The following GALNT18 variants were observed in gnomAD, a reference collection of about 807,000 sequenced individuals.
GALNT18 encodes polypeptide N-acetylgalactosaminyltransferase 18, also known as GalNAc-transferase 18.
In GALNT18, 44 loss-of-function variants were observed where a neutral mutation model predicts 69.5. That is an observed-to-expected ratio of 0.63 (90% CI 0.50 to 0.81). The LOEUF (loss-of-function observed/expected upper bound fraction) is 0.81, where lower values mean the gene tolerates loss of function less well. Ranked by LOEUF, GALNT18 falls within the 40% of genes least tolerant of loss-of-function variation. The pLI is 0.00. For missense variants in GALNT18, 715 were observed against 810.0 expected, an observed-to-expected ratio of 0.88 and a Z score of 1.42; for synonymous variants, 364 against 318.2, an observed-to-expected ratio of 1.14 and a Z score of -1.53.
intron 3 of GALNT18, among the ~76,000 whole-genome samples, chr11:11,424,965 G>A (rs989381607): frequency 6.6e-6 from 1 of 152,166 alleles, no homozygotes; most frequent in Non-Finnish European, 1.5e-5. Context: ...CGATGAGACT[G>A]CCTGTGCGGG....
intron 1 of GALNT18, among the ~76,000 whole-genome samples, chr11:11,491,736 G>A (rs940746157): frequency 6.6e-6 from 1 of 152,222 alleles, no homozygotes; most frequent in Non-Finnish European, 1.5e-5. Context: ...AAGGCCAGCA[G>A]CGAAGTGCTG....
intron 1 of GALNT18, among the ~76,000 whole-genome samples, chr11:11,495,355 G>C (rs946432733): frequency 3.3e-5 from 5 of 152,170 alleles, no homozygotes; most frequent in African/African-American, 1.2e-4. Context: ...ATCTCCAAGA[G>C]GGGGTTGGGT....
Position 11,621,646 on chromosome 11 carries a change from C to T in GALNT18, c.-53G>A. On this transcript the variant is annotated 5_prime_UTR_variant, in exon 1 of 11. Coordinates refer to ENST00000227756, the MANE Select transcript of GALNT18 (RefSeq NM_198516.3). This position sits in a 1 kb window ranked among gnomAD's most constrained non-coding sequence, Gnocchi z 9.3. ...CCCGGGGGCCCTTCCTTGTCGTGCGCCCCGAACTCCCCCGCGCTCGCACCC... is the reference window on the plus strand; with the variant it reads ...CCCGGGGGCCCTTCCTTGTCGTGCGTCCCGAACTCCCCCGCGCTCGCACCC... The T allele has an allele frequency of 7.5e-7, 1 of 1,332,224 alleles. No individual in the cohort carries two copies. The highest frequency in any genetic ancestry group is 1.0e-6 in the Non-Finnish European group (1 of 956,370). 82.5% of individuals were successfully genotyped at this position (1,332,224 alleles called of 1,614,324 possible).
intron 6 of GALNT18, among the ~76,000 whole-genome samples, chr11:11,348,501 A>G (rs1850343153): frequency 6.6e-6 from 1 of 152,144 alleles, no homozygotes; most frequent in Non-Finnish European, 1.5e-5. Context: ...GATGAAGACA[A>G]TGTCAGTGTG....
chr11:11,399,263 A>C (rs1271869394), intron 3 of GALNT18, among the ~76,000 whole-genome samples: 1 of 152,110 alleles, frequency 6.6e-6, no homozygotes, highest in African/African-American at 2.4e-5. Flanking sequence ...TGGCACCCTG[A>C]TCACAGAACC....
intron 1 of GALNT18, among the ~76,000 whole-genome samples, chr11:11,466,280 C>T (rs934582985): frequency 2.6e-5 from 4 of 152,156 alleles, no homozygotes; most frequent in African/African-American, 9.7e-5. Flanking sequence ...TAAACCAGTG[C>T]CACCTTTACG....
chr11:11,391,709 G>A (rs1282888952), intron 3 of GALNT18, among the ~76,000 whole-genome samples: 4 of 152,188 alleles, frequency 2.6e-5, no homozygotes, highest in African/African-American at 7.2e-5. Context: ...TTTATATATC[G>A]ATTCCAGCAG....
In GALNT18 at chr11:11,454,727, TCTTC is replaced by T. The variant is rs1216403578; in HGVS notation, c.236-5795_236-5792del. Among the ~76,000 whole-genome samples the T allele has an allele frequency of 2.0e-5, 3 of 151,520 alleles. No individual in the cohort carries two copies. Among genetic ancestry groups the T allele is most frequent in the Admixed American group, 6.6e-5 (1 of 15,234 alleles). The stretch of plus-strand genomic sequence containing the variant: ...AGCCAGAGAGTCAGGCCAGGAGTGC[TCTTC>T]CTTCCTTGAAACCCAGCCTGCGGTG... On this transcript the variant is annotated intron_variant, in intron 1 of 10. Transcript: ENST00000227756. The surrounding 1 kb of genome is among the most constrained non-coding windows in gnomAD (Gnocchi z 4.2).
At chr11:11,549,493 G>A (rs778160401) in intron 1 of GALNT18, among the ~76,000 whole-genome samples, 2 of 152,198 alleles carry the variant, frequency 1.3e-5, no homozygotes, top group Non-Finnish European at 2.9e-5. Context: ...TCTTTAAGGG[G>A]CTTCTTCCAT....
Position 11,541,483 on chromosome 11 carries a change from C to T in GALNT18, c.235+79876G>A, listed in dbSNP as rs954522338. On this transcript the variant is annotated intron_variant, in intron 1 of 10. Coordinates refer to ENST00000227756, the MANE Select transcript of GALNT18 (RefSeq NM_198516.3). The surrounding 1 kb of genome is among the most constrained non-coding windows in gnomAD (Gnocchi z 4.8). ...CTGTAGTTGGGGTGATCTTTCTAGA[C>T]CACAAACCTCGTCATGCCACTTTCT... 6.6e-6 allele frequency among the ~76,000 whole-genome samples: 1 copy of T among 152,198 alleles called. No individual in the cohort carries two copies. The highest frequency in any genetic ancestry group is 6.5e-5 in the Admixed American group (1 of 15,290).
Position 11,603,406 on chromosome 11 carries a change from G to C in GALNT18, c.235+17953C>G, listed in dbSNP as rs547287968. ...AAAGGGAGTGTGGCCTGCCAAAGGT[G>C]GGGGAATGTATAGGGCTTTCTCTGA... On this transcript the variant is annotated intron_variant, in intron 1 of 10. Transcript: ENST00000227756. The surrounding 1 kb of genome is among the most constrained non-coding windows in gnomAD (Gnocchi z 4.5). Among the ~76,000 whole-genome samples the C allele has an allele frequency of 6.6e-6, 1 of 152,272 alleles. No individual in the cohort carries two copies. The highest frequency in any genetic ancestry group is 2.1e-4 in the South Asian group (1 of 4,818).
chr11:11,457,602 C>T (rs1855951282), intron 1 of GALNT18, among the ~76,000 whole-genome samples: 1 of 152,228 alleles, frequency 6.6e-6, no homozygotes, highest in African/African-American at 2.4e-5. Flanking sequence ...GACAGAGCCA[C>T]CCAGAACGCA....
At position 11,500,667 on chromosome 11, in the gene GALNT18, C is replaced by T. The variant is rs1283391490; in HGVS notation, c.236-51731G>A. Reference sequence around the variant, plus strand: ...AGTGCCGAGCTAGAGAAGCCCTTCCCATGCACAGCACAGAGTCAGCCTCAG... The same window carrying T: ...AGTGCCGAGCTAGAGAAGCCCTTCCTATGCACAGCACAGAGTCAGCCTCAG... On this transcript the variant is annotated intron_variant, in intron 1 of 10. Coordinates refer to ENST00000227756, the MANE Select transcript of GALNT18 (RefSeq NM_198516.3). The surrounding 1 kb of genome is among the most constrained non-coding windows in gnomAD (Gnocchi z 5.0). 6.6e-6 allele frequency among the ~76,000 whole-genome samples: 1 copy of T among 152,188 alleles called. No individual in the cohort carries two copies. The highest frequency in any genetic ancestry group is 1.5e-5 in the Non-Finnish European group (1 of 68,040).
intron 1 of GALNT18, among the ~76,000 whole-genome samples, chr11:11,484,590 T>A: frequency 1.4e-5 from 1 of 70,252 alleles, no homozygotes; most frequent in African/African-American, 5.1e-5. Flanking sequence ...CAAAACTCCA[T>A]CTCAAAAAAA....
In GALNT18 at chr11:11,469,166, A is replaced by T. The variant is rs936499711; in HGVS notation, c.236-20230T>A. 2.6e-5 allele frequency among the ~76,000 whole-genome samples: 4 copies of T among 152,186 alleles called. No individual in the cohort carries two copies. Among genetic ancestry groups the T allele is most frequent in the Non-Finnish European group, 4.4e-5 (3 of 68,034 alleles). ...TTGGATCCCGGTAGCCAAGAAAAGC[A>T]GTCTGAGTTGCTATAAACATAAAGA... On this transcript the variant is annotated intron_variant, in intron 1 of 10. Transcript: ENST00000227756. The surrounding 1 kb of genome is among the most constrained non-coding windows in gnomAD (Gnocchi z 4.2).
At chr11:11,484,075 G>A (rs1221472093) in intron 1 of GALNT18, among the ~76,000 whole-genome samples, 1 of 152,142 alleles carries the variant, frequency 6.6e-6, no homozygotes, top group Admixed American at 6.5e-5. Context: ...CTTGTCAAGA[G>A]CTCAGTGAGA....
Position 11,312,327 on chromosome 11 carries a change from C to T in GALNT18, c.1512+14759G>A, listed in dbSNP as rs1273918700. On this transcript the variant is annotated intron_variant, in intron 9 of 10. Transcript: ENST00000227756. The stretch of plus-strand genomic sequence containing the variant: ...CCAGAAGCCTTATGGATAACATAAA[C>T]AGTTAACACATATTTTGTGTTTTAT... 2.6e-5 allele frequency among the ~76,000 whole-genome samples: 4 copies of T among 152,318 alleles called. No individual in the cohort carries two copies. The East Asian group carries it at 7.7e-4, about 29-fold the overall frequency.
chr11:11,271,074 T>G lies in GALNT18; in HGVS notation c.*70A>C. 1.3e-6 allele frequency: 2 copies of G among 1,482,534 alleles called. No homozygotes were observed. The highest frequency in any genetic ancestry group is 1.8e-6 in the Non-Finnish European group (2 of 1,085,804). 91.8% of individuals were successfully genotyped at this position (1,482,534 alleles called of 1,614,324 possible). A position where few individuals can be genotyped will look rare whatever the true frequency, so the allele number is the denominator to read the frequency against. ...TCCCCAGACTCCAAACAACCCCACG[T>G]GGACAGCAGGCAACGTTGCAGCAGG... On this transcript the variant is annotated 3_prime_UTR_variant, in exon 11 of 11. Transcript: ENST00000227756.
At position 11,478,534 on chromosome 11, in the gene GALNT18, G is replaced by T. The variant is rs547978733; in HGVS notation, c.236-29598C>A. Among the ~76,000 whole-genome samples, 4 of 152,144 alleles carry T rather than the reference G, an allele frequency of 2.6e-5. No individual in the cohort carries two copies. The South Asian group carries it at 8.3e-4, about 32-fold the overall frequency. On this transcript the variant is annotated intron_variant, in intron 1 of 10. Coordinates refer to ENST00000227756, the MANE Select transcript of GALNT18 (RefSeq NM_198516.3). ...GCACCGAGGCAGGCCTGAGCAAACA[G>T]CCCAGATGCAGCAGAAGGATGGAGC... is the stretch of plus-strand genomic sequence containing the variant.
Sources: gnomAD v4.1 joint callset for allele counts (sites outside exome capture counted in the v4.1 genomes callset) on GRCh38, gnomAD v4.1.1 for gene constraint, Gnocchi (gnomAD v3.1) non-coding constraint, MANE v1.5 for transcripts, NCBI Gene and HGNC (gene_info 2026-07-23, HGNC 2026-07-21) for gene names.